NUCB2: variants seen among roughly 807,000 people sequenced by gnomAD.
NUCB2 encodes nucleobindin 2, also known as nucleobindin-2.
NUCB2 carries 48 observed loss-of-function variants against 57.9 expected under a neutral mutation model. That is an observed-to-expected ratio of 0.83 (90% CI 0.66 to 1.05). The LOEUF is 1.05. Among genes scored for constraint, NUCB2 ranks in the 50% least tolerant of loss-of-function variants. The pLI is 0.00. For synonymous variants in NUCB2, 139 were observed against 152.1 expected (o/e 0.91, Z 0.64); for missense variants, 442 against 476.2 (o/e 0.93, Z 0.67).
At chr11:17,345,649 G>A (rs1301247533) in intron 2 of NUCB2, among the ~76,000 whole-genome samples, 2 of 152,184 alleles carry the variant, frequency 1.3e-5, no homozygotes, top group Non-Finnish European at 2.9e-5. Context: ...GGAGGTTGCA[G>A]TGAGCCGATA....
chr11:17,340,636 G>A (rs1952181085), intron 2 of NUCB2, among the ~76,000 whole-genome samples: 2 of 152,082 alleles, frequency 1.3e-5, no homozygotes. Context: ...TTTTTGTCAG[G>A]TTTGACAAAG....
intron 2 of NUCB2, among the ~76,000 whole-genome samples, chr11:17,343,237 A>G (rs1449502640): frequency 6.6e-6 from 1 of 152,104 alleles, no homozygotes; most frequent in Non-Finnish European, 1.5e-5. Context: ...TCCTGAATAC[A>G]GCACACTGAT....
chr11:17,292,456 AT>A (rs1406524083), intron 2 of NUCB2, among the ~76,000 whole-genome samples: 1 of 152,212 alleles, frequency 6.6e-6, no homozygotes, highest in African/African-American at 2.4e-5. Flanking sequence ...AAATGTTGGC[AT>A]GTATCAGAAT....
At chr11:17,304,657 C>G (rs947818163) in intron 5 of NUCB2, among the ~76,000 whole-genome samples, 2 of 152,070 alleles carry the variant, frequency 1.3e-5, no homozygotes, top group Middle Eastern at 3.4e-3. Context: ...AAATTGAGCC[C>G]CTCAATAGGA....
intron 1 of NUCB2, 28 bp from the exon 2 acceptor site, chr11:17,282,761 A>T (rs959066782): frequency 2.0e-5 from 3 of 151,904 alleles, no homozygotes; most frequent in African/African-American, 4.8e-5. Flanking sequence ...TCTTTTATTT[A>T]TTTATTTTTA....
chr11:17,331,287 T>C (rs1230281497), intron 13 of NUCB2, 125 bp from the exon 14 acceptor site: 1 of 529,488 alleles, frequency 1.9e-6, no homozygotes, highest in African/African-American at 2.0e-5. Flanking sequence ...AGAATATGTT[T>C]TTTAAAATTG....
At chr11:17,320,228 A>C (rs375539062) in intron 11 of NUCB2, among the ~76,000 whole-genome samples, 1 of 152,196 alleles carries the variant, frequency 6.6e-6, no homozygotes, top group Non-Finnish European at 1.5e-5. Flanking sequence ...TCAACTTAGC[A>C]TTCTATCTTT....
rs1415846371 is a variant in NUCB2 at position 17,296,231 on chromosome 11, A to T, written c.252+20A>T. 7.0e-7 allele frequency: 1 copy of T among 1,420,494 alleles called. No individual in the cohort carries two copies. Among genetic ancestry groups the T allele is most frequent in the Admixed American group, 1.8e-5 (1 of 55,688 alleles). 88.0% of individuals were successfully genotyped at this position (1,420,494 alleles called of 1,614,324 possible). ...ATAAAGGTAAATGCAATTCAATAAT[A>T]TATACATATATGTATCTTAATTTAA... On this transcript the variant is annotated intron_variant, in intron 4 of 13. Transcript: ENST00000529010.
chr11:17,298,046 C>T (rs528539253), intron 4 of NUCB2, among the ~76,000 whole-genome samples: 4 of 140,828 alleles, frequency 2.8e-5, no homozygotes, highest in East Asian at 2.2e-4. Context: ...TGTTCCACTG[C>T]ACTTCAGCCT....
intron 2 of NUCB2, chr11:17,291,414 CCT>C: frequency 6.3e-6 from 1 of 159,444 alleles, no homozygotes; most frequent in Non-Finnish European, 1.4e-5. Context: ...GGCATGGTGG[CCT>C]ACACCTGTAA....
intron 7 of NUCB2, 72 bp from the exon 8 acceptor site, chr11:17,311,121 C>A: frequency 6.9e-7 from 1 of 1,442,060 alleles, no homozygotes; most frequent in Admixed American, 2.3e-5. Flanking sequence ...CCAAGTTCCT[C>A]AAATTTATAT....
chr11:17,307,846 C>T (rs952895200), intron 5 of NUCB2, among the ~76,000 whole-genome samples: 1 of 152,074 alleles, frequency 6.6e-6, no homozygotes, highest in African/African-American at 2.4e-5. Flanking sequence ...GCCACATTTG[C>T]CTCCATAGAG....
At chr11:17,304,904 G>T (rs1213053831) in intron 5 of NUCB2, among the ~76,000 whole-genome samples, 1 of 152,128 alleles carries the variant, frequency 6.6e-6, no homozygotes, top group Non-Finnish European at 1.5e-5. Context: ...TGATACAAAG[G>T]CTCAGTGTTA....
At chr11:17,329,633 G>C (rs779492857) in intron 11 of NUCB2, among the ~76,000 whole-genome samples, 1 of 152,344 alleles carries the variant, frequency 6.6e-6, no homozygotes, top group Middle Eastern at 3.4e-3. Context: ...CAGACTCTCT[G>C]TGCTGCAGGT....
intron 2 of NUCB2, among the ~76,000 whole-genome samples, chr11:17,288,878 TATATACACACACACAC>T (rs1230985909): frequency 3.9e-5 from 2 of 50,918 alleles, no homozygotes; most frequent in African/African-American, 1.3e-4. Context: ...TAATAACATG[TATATACACACACACAC>T]ACACACACAC....
In NUCB2 at chr11:17,317,098, AT is replaced by A. The variant is rs1949352804; in HGVS notation, c.1002+1625del. Among the ~76,000 whole-genome samples the A allele has an allele frequency of 2.6e-5, 4 of 152,200 alleles. No homozygotes were observed. In the South Asian group the frequency reaches 8.3e-4, roughly 31 times the overall value. ...TGGTAGACTAGAAGATCAATAGATA[AT>A]TATATACTTTTAAAATTTTGACATA... On this transcript the variant is annotated intron_variant, in intron 11 of 13. Transcript: ENST00000529010.
At chr11:17,323,223 A>G (rs1027306750) in intron 11 of NUCB2, among the ~76,000 whole-genome samples, 1 of 152,160 alleles carries the variant, frequency 6.6e-6, no homozygotes, top group Admixed American at 6.6e-5. Context: ...GGTCTGTCAT[A>G]TATGCCTTTT....
intron 4 of NUCB2, among the ~76,000 whole-genome samples, chr11:17,299,182 C>T (rs1946310058): frequency 6.6e-6 from 1 of 152,182 alleles, no homozygotes; most frequent in African/African-American, 2.4e-5. Context: ...ATCTTTGATT[C>T]CTCATTCTAC....
chr11:17,346,673 A>G (rs997589659), intron 2 of NUCB2, among the ~76,000 whole-genome samples: 6 of 152,210 alleles, frequency 3.9e-5, no homozygotes, highest in Non-Finnish European at 8.8e-5. Context: ...CTTACAAAAA[A>G]TTTGCAAAAA....
Sources: gnomAD v4.1 joint callset for allele counts (sites outside exome capture counted in the v4.1 genomes callset) on GRCh38, gnomAD v4.1.1 for gene constraint, MANE v1.5 for transcripts, NCBI Gene and HGNC (gene_info 2026-07-23, HGNC 2026-07-21) for gene names.